The following ZNF385D variants were observed in gnomAD, a reference collection of about 807,000 sequenced individuals.
ZNF385D encodes zinc finger protein 385D.
In ZNF385D, 15 loss-of-function variants were observed where a neutral mutation model predicts 35.8. The observed-to-expected ratio is 0.42, with a 90% confidence interval of 0.28 to 0.64. The LOEUF (loss-of-function observed/expected upper bound fraction) is 0.64, where lower values mean the gene tolerates loss of function less well. Among genes scored for constraint, ZNF385D ranks in the 30% least tolerant of loss-of-function variants. The probability of loss-of-function intolerance (pLI) is 0.23; values close to 1 mark genes in which losing one functional copy is unlikely to be tolerated. For missense variants in ZNF385D, 474 were observed against 494.6 expected, an observed-to-expected ratio of 0.96 and a Z score of 0.39; for synonymous variants, 212 against 186.8, an observed-to-expected ratio of 1.13 and a Z score of -1.10.
chr3:21,705,969 A>T (rs2067883696), intron 1 of ZNF385D, among the ~76,000 whole-genome samples: 1 of 152,198 alleles, frequency 6.6e-6, no homozygotes, highest in South Asian at 2.1e-4. Flanking sequence ...GGAAGAAAGC[A>T]TGACTCGATC....
chr3:21,744,496 T>C (rs1197913080), intron 1 of ZNF385D, among the ~76,000 whole-genome samples: 3 of 152,206 alleles, frequency 2.0e-5, no homozygotes, highest in Non-Finnish European at 4.4e-5. Flanking sequence ...ACTGGAGACC[T>C]TCCTAAACAT....
At chr3:21,718,818 CA>C (rs1481990707) in intron 1 of ZNF385D, among the ~76,000 whole-genome samples, 2 of 152,182 alleles carry the variant, frequency 1.3e-5, no homozygotes, top group Non-Finnish European at 2.9e-5. Context: ...ACAACTGAAT[CA>C]ATTTTTAAAA....
chr3:22,236,265 C>T (rs78897217), intron 2 of ZNF385D, among the ~76,000 whole-genome samples: 2,029 of 151,990 alleles, frequency 0.013, 45 homozygotes, highest in African/African-American at 0.046. Flanking sequence ...ATATATCTTG[C>T]TTATATATAG....
At chr3:21,462,514 A>G (rs17201341) in intron 4 of ZNF385D, among the ~76,000 whole-genome samples, 30,756 of 152,224 alleles carry the variant, frequency 0.2, 3,820 homozygotes, top group Non-Finnish European at 0.27. Flanking sequence ...AAAAGTTGAC[A>G]TTAAAATATG....
chr3:21,836,452 G>A (rs1225786546), intron 3 of ZNF385D, among the ~76,000 whole-genome samples: 2 of 152,098 alleles, frequency 1.3e-5, no homozygotes, highest in Non-Finnish European at 2.9e-5. Context: ...TCAGCTGGGT[G>A]TGTTTATTTA....
At chr3:21,484,598 T>C (rs557070756) in intron 4 of ZNF385D, among the ~76,000 whole-genome samples, 1 of 152,170 alleles carries the variant, frequency 6.6e-6, no homozygotes, top group African/African-American at 2.4e-5. Flanking sequence ...TGGTCAAGAG[T>C]GTCCTGCCCT....
At chr3:21,681,227 TG>T (rs1229478419) in intron 1 of ZNF385D, among the ~76,000 whole-genome samples, 1 of 121,274 alleles carries the variant, frequency 8.2e-6, no homozygotes, top group Non-Finnish European at 1.6e-5. Context: ...GTAAACCTTC[TG>T]ACAAAAAAAA....
intron 3 of ZNF385D, among the ~76,000 whole-genome samples, chr3:21,915,300 C>A (rs977418596): frequency 6.6e-6 from 1 of 151,922 alleles, no homozygotes. Flanking sequence ...CCCAAAAGCA[C>A]CTTGGGTTGA....
intron 3 of ZNF385D, among the ~76,000 whole-genome samples, chr3:21,784,156 C>A (rs1211020168): frequency 6.6e-6 from 1 of 151,972 alleles, no homozygotes; most frequent in Non-Finnish European, 1.5e-5. Context: ...AGAAGTCTGC[C>A]AAGAATAAAA....
chr3:21,682,017 C>G (rs1340289987), intron 1 of ZNF385D, among the ~76,000 whole-genome samples: 1 of 152,068 alleles, frequency 6.6e-6, no homozygotes, highest in Non-Finnish European at 1.5e-5. Flanking sequence ...AGGCCAGACT[C>G]AGAAAGTGAG....
chr3:22,250,344 T>A (rs1005005013), intron 2 of ZNF385D, among the ~76,000 whole-genome samples: 1 of 149,576 alleles, frequency 6.7e-6, no homozygotes, highest in Non-Finnish European at 1.5e-5. Flanking sequence ...CAATTTAGAT[T>A]TTAAGAAACA....
intron 3 of ZNF385D, among the ~76,000 whole-genome samples, chr3:21,514,183 T>C (rs1707414191): frequency 2.0e-5 from 3 of 152,178 alleles, no homozygotes; most frequent in Admixed American, 6.6e-5. Flanking sequence ...TTGTGTCTTA[T>C]TATTTATCAG....
intron 3 of ZNF385D, among the ~76,000 whole-genome samples, chr3:21,520,440 C>T (rs1707837360): frequency 6.6e-6 from 1 of 152,182 alleles, no homozygotes; most frequent in South Asian, 2.1e-4. Context: ...TATGGAGTCT[C>T]AATGGATTTT....
At chr3:22,362,676 A>G (rs1386640126) in intron 2 of ZNF385D, among the ~76,000 whole-genome samples, 1 of 152,102 alleles carries the variant, frequency 6.6e-6, no homozygotes, top group Non-Finnish European at 1.5e-5. Context: ...TAAACTTTTT[A>G]AAAGTATAAT....
intron 3 of ZNF385D, among the ~76,000 whole-genome samples, chr3:22,144,180 T>C (rs1704699162): frequency 6.6e-6 from 1 of 152,180 alleles, no homozygotes; most frequent in Non-Finnish European, 1.5e-5. Flanking sequence ...GTTATAATTT[T>C]ACAAAAAATA....
chr3:22,161,443 T>A (rs1705942378), intron 3 of ZNF385D, among the ~76,000 whole-genome samples: 1 of 152,082 alleles, frequency 6.6e-6, no homozygotes, highest in Non-Finnish European at 1.5e-5. Flanking sequence ...AATTGCATCA[T>A]AAATATAAAA....
chr3:22,166,125 C>A (rs879478903), intron 3 of ZNF385D, among the ~76,000 whole-genome samples: 4 of 152,102 alleles, frequency 2.6e-5, no homozygotes, highest in African/African-American at 9.7e-5. Context: ...CAGACCAAAC[C>A]AATATGACCT....
chr3:21,659,311 T>G (rs1401289334), intron 2 of ZNF385D, among the ~76,000 whole-genome samples: 2 of 152,176 alleles, frequency 1.3e-5, no homozygotes, highest in African/African-American at 4.8e-5. Flanking sequence ...ACAGAATTAT[T>G]GAGTAGGACT....
At chr3:21,551,643 T>C (rs956655736) in intron 3 of ZNF385D, among the ~76,000 whole-genome samples, 1 of 152,198 alleles carries the variant, frequency 6.6e-6, no homozygotes, top group Non-Finnish European at 1.5e-5. Flanking sequence ...TTTATGCTTA[T>C]TTTAAGATGC....
Sources: allele counts gnomAD v4.1 joint callset (sites outside exome capture counted in the v4.1 genomes callset), GRCh38; gene constraint gnomAD v4.1.1; transcripts MANE v1.5; gene names NCBI Gene and HGNC (gene_info 2026-07-23, HGNC 2026-07-21).